Variants in SASH1 observed in about 807,000 individuals in gnomAD.
SASH1 encodes SAM and SH3 domain-containing protein 1.
SASH1 carries 44 observed loss-of-function variants against 125.2 expected under a neutral mutation model. The observed-to-expected ratio is 0.35, with a 90% confidence interval of 0.28 to 0.45. The LOEUF (loss-of-function observed/expected upper bound fraction) is 0.45. Ranked by LOEUF, SASH1 falls within the 20% of genes least tolerant of loss-of-function variation. The pLI is 1.00. For missense variants in SASH1, 1,426 were observed against 1,614.5 expected (o/e 0.88, Z 2.00); for synonymous variants, 639 against 649.1 (o/e 0.98, Z 0.24).
At chr6:148,460,567 G>A (rs1298042271) in intron 4 of SASH1, among the ~76,000 whole-genome samples, 3 of 152,092 alleles carry the variant, frequency 2.0e-5, no homozygotes, top group East Asian at 1.9e-4. Context: ...GGTAATCGAC[G>A]GACTCAAGCC....
the SASH1 span, among the ~76,000 whole-genome samples, chr6:148,209,292 T>C: frequency 2.0e-5 from 3 of 152,356 alleles, no homozygotes; most frequent in African/African-American, 7.2e-5. Context: ...ACTGAAATAT[T>C]AATCAAAAGC....
intron 1 of SASH1, among the ~76,000 whole-genome samples, chr6:148,318,716 C>T (rs931103169): frequency 4.7e-5 from 7 of 150,254 alleles, no homozygotes; most frequent in African/African-American, 1.7e-4. Flanking sequence ...CCACGCTCAG[C>T]TAATTTTTAT....
At chr6:148,536,930 G>A (rs1273673718) in intron 16 of SASH1, among the ~76,000 whole-genome samples, 5 of 152,168 alleles carry the variant, frequency 3.3e-5, no homozygotes, top group Admixed American at 6.5e-5. Context: ...TGTTTAGAAC[G>A]TCCCTGATAG....
chr6:148,274,661 C>A (rs917177419), intron 1 of SASH1, among the ~76,000 whole-genome samples: 5 of 152,166 alleles, frequency 3.3e-5, no homozygotes, highest in African/African-American at 1.2e-4. Flanking sequence ...TCTATAGAGA[C>A]AGTTCCAGTT....
intron 1 of SASH1, among the ~76,000 whole-genome samples, chr6:148,364,848 C>G (rs1348073597): frequency 1.3e-5 from 2 of 152,142 alleles, no homozygotes; most frequent in Non-Finnish European, 2.9e-5. Flanking sequence ...TCCGGCCGGG[C>G]ACAGTGCTTC....
Position 148,517,720 on chromosome 6 carries a change from A to T in SASH1, c.863-1827A>T, listed in dbSNP as rs181065029. Among the ~76,000 whole-genome samples the T allele has an allele frequency of 1.8e-4, 27 of 152,366 alleles. No individual in the cohort carries two copies. In the East Asian group the frequency reaches 4.8e-3, roughly 27 times the overall value. On this transcript the variant is annotated intron_variant, in intron 9 of 19. Coordinates refer to ENST00000367467, the MANE Select transcript of SASH1 (RefSeq NM_015278.5). ...ACCCGAGAATAGAGCTACATTCGTC[A>T]TGGACATGCGTGCACCAGCTGGTTC...
At chr6:148,353,188 C>A (rs1184248671) in intron 1 of SASH1, among the ~76,000 whole-genome samples, 1 of 152,006 alleles carries the variant, frequency 6.6e-6, no homozygotes, top group Admixed American at 6.6e-5. Context: ...CCTGCCTCAG[C>A]CTCCCAGTAG....
Position 148,549,065 on chromosome 6 carries a change from GAA to G in SASH1, c.*523_*524del, listed in dbSNP as rs5880793. 1.6e-3 allele frequency: 212 copies of G among 130,174 alleles called. No homozygotes were observed. The highest frequency in any genetic ancestry group is 4.2e-3 in the Middle Eastern group (1 of 238). The allele number at this position is 130,174 out of a possible 1,614,324, so 8.1% of individuals were successfully genotyped here. ...AAGTTAGAACATCTGGCTGCACCAGGAAAAAAAAAAAAAAAAAGTCCTGTTCT... is the reference window on the plus strand; with the variant it reads ...AAGTTAGAACATCTGGCTGCACCAGGAAAAAAAAAAAAAAAGTCCTGTTCT... On this transcript the variant is annotated 3_prime_UTR_variant, in exon 20 of 20. Coordinates refer to ENST00000367467, the MANE Select transcript of SASH1 (RefSeq NM_015278.5).
chr6:148,207,662 G>A, the SASH1 span, among the ~76,000 whole-genome samples: 1 of 152,200 alleles, frequency 6.6e-6, no homozygotes, highest in African/African-American at 2.4e-5. Context: ...ACAGAATGAA[G>A]AGATGGATTC....
At chr6:148,387,581 T>C (rs539869612) in intron 1 of SASH1, among the ~76,000 whole-genome samples, 17 of 6,260 alleles carry the variant, frequency 2.7e-3, no homozygotes, top group Non-Finnish European at 4.2e-3. Flanking sequence ...TCTTTCTTTC[T>C]TTCTTTCTTT....
At chr6:148,252,772 C>T in the SASH1 span, among the ~76,000 whole-genome samples, 10,273 of 152,210 alleles carry the variant, frequency 0.067, 369 homozygotes, top group Middle Eastern at 0.11. Flanking sequence ...AGCCACCATG[C>T]CCAGCCCAAA....
the SASH1 span, among the ~76,000 whole-genome samples, chr6:148,260,177 T>G: frequency 6.6e-6 from 1 of 152,244 alleles, no homozygotes. Flanking sequence ...AAATATATAA[T>G]CTTTTGAAAA....
At chr6:148,241,236 G>A in the SASH1 span, among the ~76,000 whole-genome samples, 1 of 152,204 alleles carries the variant, frequency 6.6e-6, no homozygotes, top group South Asian at 2.1e-4. Flanking sequence ...GAAGAGGCTG[G>A]AAATAGGAAC....
At chr6:148,460,044 A>T (rs151185019) in intron 4 of SASH1, among the ~76,000 whole-genome samples, 23 of 152,318 alleles carry the variant, frequency 1.5e-4, no homozygotes, top group African/African-American at 5.1e-4. Flanking sequence ...GCTGCTCATG[A>T]TCTCTACCAC....
At chr6:148,201,673 G>T in the SASH1 span, among the ~76,000 whole-genome samples, 1 of 152,174 alleles carries the variant, frequency 6.6e-6, no homozygotes, top group Non-Finnish European at 1.5e-5. Context: ...GCTCTGGGGT[G>T]CCCAGAAGGC....
intron 1 of SASH1, among the ~76,000 whole-genome samples, chr6:148,332,776 A>C (rs565417726): frequency 4.6e-5 from 7 of 152,196 alleles, no homozygotes; most frequent in African/African-American, 1.4e-4. Flanking sequence ...CACCGAGGTC[A>C]GGAGTTCGAG....
At chr6:148,239,732 G>C in the SASH1 span, among the ~76,000 whole-genome samples, 2 of 151,306 alleles carry the variant, frequency 1.3e-5, no homozygotes, top group East Asian at 3.9e-4. Flanking sequence ...AACCAAAAAT[G>C]GTTCATAAAA....
At chr6:148,244,345 A>G in the SASH1 span, among the ~76,000 whole-genome samples, 2 of 152,150 alleles carry the variant, frequency 1.3e-5, no homozygotes, top group African/African-American at 4.8e-5. Flanking sequence ...ATGTATCCCT[A>G]TCATGCAGAG....
the SASH1 span, among the ~76,000 whole-genome samples, chr6:148,233,046 T>A: frequency 6.6e-6 from 1 of 151,700 alleles, no homozygotes; most frequent in Non-Finnish European, 1.5e-5. Context: ...AGAAACCCCG[T>A]CTCTACTAAA....
Sources: gnomAD v4.1 joint callset for allele counts (sites outside exome capture counted in the v4.1 genomes callset) on GRCh38, gnomAD v4.1.1 for gene constraint, MANE v1.5 for transcripts, NCBI Gene and HGNC (gene_info 2026-07-23, HGNC 2026-07-21) for gene names.